UFD1: variants seen among roughly 807,000 people sequenced by gnomAD.
UFD1 encodes ubiquitin recognition factor in ER-associated degradation protein 1.
UFD1 carries 13 observed loss-of-function variants against 45.9 expected under a neutral mutation model. The ratio of observed to expected loss-of-function variants is 0.28; its 90% CI spans 0.18 to 0.45. The LOEUF is 0.45. Ranked by LOEUF, UFD1 falls within the 20% of genes least tolerant of loss-of-function variation. The pLI, the probability that UFD1 is intolerant of heterozygous loss-of-function variation, is 1.00. For missense variants in UFD1, 218 were observed against 389.2 expected, an observed-to-expected ratio of 0.56 and a Z score of 3.70; for synonymous variants, 128 against 139.2, an observed-to-expected ratio of 0.92 and a Z score of 0.56.
intron 4 of UFD1, 116 bp from the exon 5 acceptor site, chr22:19,468,119 G>A (rs1355053378): frequency 2.9e-6 from 4 of 1,365,718 alleles, no homozygotes; most frequent in East Asian, 2.4e-5. Context: ...AGGAACCTGA[G>A]CCAAGATAAG....
At chr22:19,471,901 C>T in intron 3 of UFD1, 93 bp from the exon 4 acceptor site, 1 of 1,518,164 alleles carries the variant, frequency 6.6e-7, no homozygotes, top group Non-Finnish European at 8.9e-7. Context: ...CCCCACAATC[C>T]TGCCCTCAAC....
chr22:19,453,153 T>C, intron 11 of UFD1: 1 of 985,412 alleles, frequency 1.0e-6, no homozygotes, highest in Admixed American at 6.1e-5. Flanking sequence ...GGGAGGGTAA[T>C]GCAGCTCTAA....
intron 5 of UFD1, chr22:19,466,340 A>AT (rs1212439364): frequency 6.6e-6 from 1 of 152,284 alleles, no homozygotes; most frequent in Non-Finnish European, 1.5e-5. Flanking sequence ...CGGGCTCCCC[A>AT]TATGGCCTCT....
At chr22:19,459,386 G>GGGCAGATCACGAGGTCA (rs2089747749) in intron 6 of UFD1, among the ~76,000 whole-genome samples, 2 of 152,170 alleles carry the variant, frequency 1.3e-5, no homozygotes, top group African/African-American at 4.8e-5. Context: ...AGGCCGAGGA[G>GGGCAGATCACGAGGTCA]GGCAGATCAC....
chr22:19,462,724 A>G (rs1368925842), intron 6 of UFD1, among the ~76,000 whole-genome samples: 1 of 152,156 alleles, frequency 6.6e-6, no homozygotes, highest in Non-Finnish European at 1.5e-5. Flanking sequence ...TTTAGATGTC[A>G]TTTTTTAAGC....
intron 9 of UFD1, 181 bp downstream of exon 9, chr22:19,456,406 G>A (rs961997388): frequency 1.3e-6 from 1 of 750,690 alleles, no homozygotes; most frequent in Non-Finnish European, 2.2e-6. Flanking sequence ...AAGATTCCAG[G>A]AGAGAGTGGA....
At chr22:19,465,104 T>C in intron 6 of UFD1, 98 bp downstream of exon 6, 1 of 1,151,208 alleles carries the variant, frequency 8.7e-7, no homozygotes, top group Non-Finnish European at 1.3e-6. Flanking sequence ...GGTGATAAGA[T>C]CCAGGCATAC....
At chr22:19,454,021 C>T (rs891143286) in intron 11 of UFD1, 6 of 985,550 alleles carry the variant, frequency 6.1e-6, no homozygotes, top group Non-Finnish European at 7.2e-6. Context: ...CTACAGGATG[C>T]TCAGCCCTTG....
At chr22:19,472,217 A>G (rs547958897) in intron 3 of UFD1, among the ~76,000 whole-genome samples, 1 of 152,276 alleles carries the variant, frequency 6.6e-6, no homozygotes, top group South Asian at 2.1e-4. Flanking sequence ...CTACTGGGCT[A>G]GGCTCCTAGA....
intron 1 of UFD1, 112 bp from the exon 2 acceptor site, chr22:19,475,714 G>C (rs1193355590): frequency 6.2e-6 from 8 of 1,293,816 alleles, no homozygotes; most frequent in Non-Finnish European, 8.7e-6. Flanking sequence ...AGAACACAAT[G>C]TACTGAAATC....
At chr22:19,476,734 C>CG (rs1156274406) in intron 1 of UFD1, among the ~76,000 whole-genome samples, 2 of 151,974 alleles carry the variant, frequency 1.3e-5, no homozygotes, top group Non-Finnish European at 2.9e-5. Flanking sequence ...AGGCTGGGTG[C>CG]GGTGGCTCAC....
chr22:19,464,781 C>T (rs556835896), intron 6 of UFD1, among the ~76,000 whole-genome samples: 1 of 152,240 alleles, frequency 6.6e-6, no homozygotes, highest in South Asian at 2.1e-4. Flanking sequence ...AGATGCCACA[C>T]AGCACTTGGC....
chr22:19,464,858 T>C (rs1247343474), intron 6 of UFD1, among the ~76,000 whole-genome samples: 1 of 152,242 alleles, frequency 6.6e-6, no homozygotes, highest in East Asian at 1.9e-4. Context: ...GCAGGGTTGT[T>C]ATTGTGTCTC....
Position 19,475,613 on chromosome 22 carries a change from GA to G in UFD1, c.4-12del. The G allele has an allele frequency of 6.2e-7, 1 of 1,613,610 alleles. No homozygotes were observed. Among genetic ancestry groups the G allele is most frequent in the Non-Finnish European group, 8.5e-7 (1 of 1,179,848 alleles). ...CATGTTGAAAGAGAACTAGAAGGAGGAAAGAGAAACAAGTATTAAAACAAAG... is the reference window on the plus strand; with the variant it reads ...CATGTTGAAAGAGAACTAGAAGGAGGAAGAGAAACAAGTATTAAAACAAAG... On this transcript the variant is annotated splice_polypyrimidine_tract_variant and intron_variant, in intron 1 of 11. Transcript: ENST00000263202.
chr22:19,467,853 C>T lies in UFD1; in HGVS notation c.422+20G>A, dbSNP rs5746742. ...CACTCTCCTTTGTCTAGAAGAACTCCGCTTATTTGAAAAAGATACACGGCT... is the reference window on the plus strand; with the variant it reads ...CACTCTCCTTTGTCTAGAAGAACTCTGCTTATTTGAAAAAGATACACGGCT... On this transcript the variant is annotated intron_variant, in intron 5 of 11. Coordinates refer to ENST00000263202, the MANE Select transcript of UFD1 (RefSeq NM_005659.7). 846,637 of 1,612,910 alleles carry T rather than the reference C, an allele frequency of 0.52. 224,061 individuals carry two copies. Among genetic ancestry groups the T allele is most frequent in the South Asian group, 0.61 (55,956 of 91,032 alleles).
intron 1 of UFD1, 59 bp downstream of exon 1, chr22:19,479,024 G>A (rs1287995365): frequency 7.7e-6 from 12 of 1,562,212 alleles, no homozygotes; most frequent in Admixed American, 3.6e-5. Context: ...GCCCCGCCGG[G>A]CCCTACCTCA....
At position 19,454,939 on chromosome 22, in the gene UFD1, G is replaced by A. The variant is rs1384693843; in HGVS notation, c.768-109C>T. The A allele has an allele frequency of 2.3e-6, 3 of 1,278,102 alleles. No homozygotes were observed. The Admixed American group carries it at 8.0e-5, about 34-fold the overall frequency. 79.2% of individuals were successfully genotyped at this position (1,278,102 alleles called of 1,614,324 possible). ...GAAAAGATGCTGCTGCACCCCACCT[G>A]GGCCCTTTGGTGCTTCCTGGCATCC... On this transcript the variant is annotated intron_variant, in intron 10 of 11. Transcript: ENST00000263202.
chr22:19,472,744 A>G (rs1372205928), intron 3 of UFD1, among the ~76,000 whole-genome samples: 1 of 152,124 alleles, frequency 6.6e-6, no homozygotes, highest in Non-Finnish European at 1.5e-5. Context: ...CCTTTTATCT[A>G]TGGGGAAACT....
chr22:19,475,830 T>C (rs978827962), intron 1 of UFD1, among the ~76,000 whole-genome samples: 1 of 152,166 alleles, frequency 6.6e-6, no homozygotes, highest in African/African-American at 2.4e-5. Flanking sequence ...GCCCAACCTC[T>C]TGCATACCTC....
Sources: gnomAD v4.1 joint callset for allele counts (sites outside exome capture counted in the v4.1 genomes callset) on GRCh38, gnomAD v4.1.1 for gene constraint, MANE v1.5 for transcripts, NCBI Gene and HGNC (gene_info 2026-07-23, HGNC 2026-07-21) for gene names.